Variants in GLUL observed in about 807,000 individuals in gnomAD.
The protein encoded by GLUL is glutamate-ammonia ligase, also known as glutamine synthetase.
Under a neutral mutation model 36.9 loss-of-function variants are expected in GLUL, and 8 were observed. The observed-to-expected ratio is 0.22, with a 90% CI of 0.13 to 0.39. The LOEUF is 0.39. Ranked by LOEUF, GLUL falls within the 10% of genes least tolerant of loss-of-function variation. The pLI, the probability that GLUL is intolerant of heterozygous loss-of-function variation, is 1.00. For synonymous variants in GLUL, 182 were observed against 172.8 expected (o/e 1.05, Z -0.42); for missense variants, 315 against 501.8 (o/e 0.63, Z 3.56).
Position 182,387,137 on chromosome 1 carries a change from G to C in GLUL, c.322C>G (p.Pro108Ala). The C allele has an allele frequency of 6.2e-7, 1 of 1,612,808 alleles. No homozygotes were observed. The highest frequency in any genetic ancestry group is 1.3e-5 in the African/African-American group (1 of 74,954). ...LCEVFKYNRR[P>A]AETNLRHTCK... ...TAGCTGTGCTATAACACACCTGCAG[G>C]CCTTCGATTGTACTTGAAAACTTCA... Residue 108 changes from proline to alanine, a missense_variant, in exon 3 of 7, where the codon CCT (proline) becomes GCT (alanine). Transcript: ENST00000331872.
chr1:182,385,266 T>G (rs1650122836), intron 6 of GLUL, 91 bp downstream of exon 6: 1 of 999,204 alleles, frequency 1.0e-6, no homozygotes, highest in Admixed American at 1.8e-5. Context: ...CAAGTCATCC[T>G]GCAAAGGAGA....
In GLUL at chr1:182,385,744, T is replaced by C. The variant is rs556834480; in HGVS notation, c.603+16A>G. 4.3e-5 allele frequency: 69 copies of C among 1,614,044 alleles called. No individual in the cohort carries two copies. The highest frequency in any genetic ancestry group is 1.9e-4 in the South Asian group (17 of 91,084). On this transcript the variant is annotated intron_variant, in intron 5 of 6. Transcript: ENST00000331872. ...CTACCTACCCTTCTTCATTGATGGA[T>C]TGGAGCTATACTTACCTGGGCAGGC...
chr1:182,387,209 T>C lies in GLUL; in HGVS notation c.250A>G (p.Met84Val), dbSNP rs779331105. The C allele has an allele frequency of 1.2e-6, 2 of 1,613,014 alleles. No homozygotes were observed. Among genetic ancestry groups the C allele is most frequent in the Non-Finnish European group, 1.7e-6 (2 of 1,179,026 alleles). ...NSDMYLVPAA[M>V]FRDPFRKDPN... ...TCCTTACGGAAGGGGTCCCGAAACA[T>C]GGCAGCAGGCACGAGATACATGTCA... The change falls in exon 3 of 7, where the codon ATG (methionine) becomes GTG (valine). Residue 84 changes from methionine (M) to valine (V), a missense_variant. Transcript: ENST00000331872.
rs1050688074 is a variant in GLUL, at chr1:182,379,443, G to A, written c.*4962C>T. On this transcript the variant is annotated 3_prime_UTR_variant, in exon 7 of 7. Transcript: ENST00000331872. Reference sequence around the variant, plus strand: ...TCACCATGTTGGCCACGCTGGTCTCGAACTCCTGAACTCAGGTGATCCACC... The same window carrying A: ...TCACCATGTTGGCCACGCTGGTCTCAAACTCCTGAACTCAGGTGATCCACC... Among the ~76,000 whole-genome samples, 6 of 151,724 alleles carry A rather than the reference G, an allele frequency of 4.0e-5. No individual in the cohort carries two copies. Among genetic ancestry groups the A allele is most frequent in the African/African-American group, 7.3e-5 (3 of 41,282 alleles).
At position 182,379,536 on chromosome 1, in the gene GLUL, T is replaced by C. The variant is rs1259460465; in HGVS notation, c.*4869A>G. Among the ~76,000 whole-genome samples, 4 of 152,038 alleles carry C rather than the reference T, an allele frequency of 2.6e-5. No homozygotes were observed. The East Asian group carries it at 7.8e-4, about 30-fold the overall frequency. ...CCACACCCAGCCTAAACTGCCAGTT[T>C]ACATCAGTTATAATTTTTTTTTGTT... On this transcript the variant is annotated 3_prime_UTR_variant, in exon 7 of 7. Coordinates refer to ENST00000331872, the MANE Select transcript of GLUL (RefSeq NM_001033044.4).
rs1035569086 is a variant in GLUL at position 182,387,121 on chromosome 1, T to TATA, written c.328+7_328+9dup. 1.2e-6 allele frequency: 2 copies of TATA among 1,607,592 alleles called. No homozygotes were observed. Among genetic ancestry groups the TATA allele is most frequent in the African/African-American group, 2.7e-5 (2 of 74,796 alleles). On this transcript the variant is annotated intron_variant, in intron 3 of 6. Transcript: ENST00000331872. ...TGAGGAGGGGTATCCATAGCTGTGC[T>TATA]ATAACACACCTGCAGGCCTTCGATT...
rs1189308417 is a variant in GLUL at position 182,384,466 on chromosome 1, G to A, written c.1061C>T (p.Ala354Val). Reference protein sequence around the residue: ...ANCDPFSVTEALIRTCLLNET... With the variant: ...ANCDPFSVTEVLIRTCLLNET... Reference sequence around the variant, plus strand: ...ATTGAGAAGACACGTGCGGATGAGGGCTTCTGTCACCGAAAAGGGGTCGCA... The same window carrying A: ...ATTGAGAAGACACGTGCGGATGAGGACTTCTGTCACCGAAAAGGGGTCGCA... The change falls in exon 7 of 7, where the codon GCC becomes GTC. Residue 354 changes from alanine (A) to valine (V), a missense_variant. Ala to Val is a moderately conservative substitution (Grantham distance 64, BLOSUM62 0). This residue lies in a region of GLUL where 58 missense variants were observed against 89.5 expected (regional missense o/e 0.65). Coordinates refer to ENST00000331872, the MANE Select transcript of GLUL (RefSeq NM_001033044.4). The A allele has an allele frequency of 6.2e-7, 1 of 1,613,368 alleles. No individual in the cohort carries two copies. Among genetic ancestry groups the A allele is most frequent in the Non-Finnish European group, 8.5e-7 (1 of 1,179,454 alleles).
Position 182,384,050 on chromosome 1 carries a change from C to T in GLUL, c.*355G>A, listed in dbSNP as rs1052439944. ...ACGTCAGGTCTTCCCCTTTCAGCTA[C>T]CTGGAAGAAGAGACCCCCTTCTGCA... On this transcript the variant is annotated 3_prime_UTR_variant, in exon 7 of 7. Coordinates refer to ENST00000331872, the MANE Select transcript of GLUL (RefSeq NM_001033044.4). 4.1e-5 allele frequency: 13 copies of T among 314,872 alleles called. No homozygotes were observed. The highest frequency in any genetic ancestry group is 3.3e-4 in the South Asian group (11 of 33,608). The allele number at this position is 314,872 out of a possible 1,614,324, so 19.5% of individuals were successfully genotyped here.
In GLUL at chr1:182,384,286, G is replaced by GA; in HGVS notation, c.*118dup. The stretch of plus-strand genomic sequence containing the variant: ...GCAAGATTAACTGGGCACATGGAAT[G>GA]AAAAAAACGACCTTGATATTCCACC... On this transcript the variant is annotated 3_prime_UTR_variant, in exon 7 of 7. Transcript: ENST00000331872. 5.2e-6 allele frequency: 4 copies of GA among 770,594 alleles called. No homozygotes were observed. The highest frequency in any genetic ancestry group is 1.5e-5 in the South Asian group (1 of 67,904). The allele number at this position is 770,594 out of a possible 1,614,324, so 47.7% of individuals were successfully genotyped here.
In GLUL at chr1:182,379,642, T is replaced by G. The variant is rs1185214845; in HGVS notation, c.*4763A>C. Among the ~76,000 whole-genome samples the G allele has an allele frequency of 2.6e-5, 4 of 151,674 alleles. No homozygotes were observed. Among genetic ancestry groups the G allele is most frequent in the Non-Finnish European group, 5.9e-5 (4 of 67,956 alleles). ...TGGCTCACTGCAGCTTCAAGTAATCTTCCCACCTCAGCCTCCCAGGTAGCT... is the reference window on the plus strand; with the variant it reads ...TGGCTCACTGCAGCTTCAAGTAATCGTCCCACCTCAGCCTCCCAGGTAGCT... On this transcript the variant is annotated 3_prime_UTR_variant, in exon 7 of 7. Coordinates refer to ENST00000331872, the MANE Select transcript of GLUL (RefSeq NM_001033044.4).
intron 2 of GLUL, among the ~76,000 whole-genome samples, chr1:182,388,041 C>T (rs1571409297): frequency 6.6e-6 from 1 of 152,186 alleles, no homozygotes; most frequent in South Asian, 2.1e-4. Context: ...ATGAAGGTCA[C>T]AACTATAATC....
At chr1:182,384,844 C>T in intron 6 of GLUL, 121 bp from the exon 7 acceptor site, 1 of 764,954 alleles carries the variant, frequency 1.3e-6, no homozygotes, top group Non-Finnish European at 2.3e-6. Flanking sequence ...GCTGCATCTT[C>T]TTACCTGTGT....
At position 182,378,212 on chromosome 1, in the gene GLUL, C is replaced by T. The variant is rs1649804642; in HGVS notation, c.*6193G>A. Among the ~76,000 whole-genome samples the T allele has an allele frequency of 6.6e-6, 1 of 152,176 alleles. No individual in the cohort carries two copies. The highest frequency in any genetic ancestry group is 2.4e-5 in the African/African-American group (1 of 41,438). ...TAATAGATCTGCTGACTACGCCGTA[C>T]AGTGGAGGAAACACGCTGCAATCTC... On this transcript the variant is annotated 3_prime_UTR_variant, in exon 7 of 7. Coordinates refer to ENST00000331872, the MANE Select transcript of GLUL (RefSeq NM_001033044.4).
intron 1 of GLUL, chr1:182,389,995 G>C (rs1650340197): frequency 6.6e-6 from 1 of 152,298 alleles, no homozygotes; most frequent in African/African-American, 2.4e-5. Context: ...ACCGAAGCGG[G>C]CAGATCACCT....
At chr1:182,387,341 C>T (rs774042474) in intron 2 of GLUL, 49 bp from the exon 3 acceptor site, 2 of 1,378,952 alleles carry the variant, frequency 1.5e-6, no homozygotes, top group Admixed American at 1.7e-5. Flanking sequence ...AGGAGCTTTC[C>T]AAGCAATGCA....
rs1383622818 is a variant in GLUL at position 182,388,576 on chromosome 1, C to G, written c.162G>C (p.Val54=). ...TRTLDSEPKC[V]EELPEWNFDG... is the part of the protein sequence containing the mutation. ...CACTCCACATTGCTGTCTCACCTTC[C>G]ACACACTTGGGCTCACTGTCCAGGG... Residue 54 remains valine, a synonymous_variant, in exon 2 of 7, where the codon GTG becomes GTC. Transcript: ENST00000331872. The G allele has an allele frequency of 8.1e-6, 13 of 1,613,722 alleles. No individual in the cohort carries two copies. Among genetic ancestry groups the G allele is most frequent in the Non-Finnish European group, 1.1e-5 (13 of 1,179,764 alleles).
At chr1:182,391,357 CAGGCCGGCCCAACGGCCTCCA>C in intron 1 of GLUL, 1 of 397,998 alleles carries the variant, frequency 2.5e-6, no homozygotes, top group South Asian at 1.3e-4. Context: ...CCCCAGGGCG[CAGGCCGGCCCAACGGCCTCCA>C]GGGGCGGCGC....
chr1:182,385,487 A>AGATGAAAC lies in GLUL; in HGVS notation c.665_672dup (p.Leu225ValfsTer13). 1 of 1,614,082 alleles carries AGATGAAAC rather than the reference A, an allele frequency of 6.2e-7. No individual in the cohort carries two copies. The highest frequency in any genetic ancestry group is 8.5e-7 in the Non-Finnish European group (1 of 1,179,896). On this transcript the variant is annotated frameshift_variant, in exon 6 of 7. Coordinates refer to ENST00000331872, the MANE Select transcript of GLUL (RefSeq NM_001033044.4). LOFTEE classifies it high-confidence loss of function. ...CCAAAGTCTTCACACACACGATGCA[A>AGATGAAAC]GATGAAACGGGCCACCCAGAGATGA...
Position 182,385,746 on chromosome 1 carries a change from G to A in GLUL, c.603+14C>T, listed in dbSNP as rs768921784. 1 of 1,613,834 alleles carries A rather than the reference G, an allele frequency of 6.2e-7. No individual in the cohort carries two copies. Among genetic ancestry groups the A allele is most frequent in the African/African-American group, 1.3e-5 (1 of 74,902 alleles). On this transcript the variant is annotated intron_variant, in intron 5 of 6. Coordinates refer to ENST00000331872, the MANE Select transcript of GLUL (RefSeq NM_001033044.4). ...ACCTACCCTTCTTCATTGATGGATTGGAGCTATACTTACCTGGGCAGGCAT... is the reference window on the plus strand; with the variant it reads ...ACCTACCCTTCTTCATTGATGGATTAGAGCTATACTTACCTGGGCAGGCAT...
Sources: gnomAD v4.1 joint callset for allele counts (sites outside exome capture counted in the v4.1 genomes callset) on GRCh38, gnomAD v4.1.1 for gene constraint, gnomAD v4.1.1 regional missense constraint, MANE v1.5 for transcripts, NCBI Gene and HGNC (gene_info 2026-07-23, HGNC 2026-07-21) for gene names.